The following OPCML variants were observed in gnomAD, a reference collection of about 807,000 sequenced individuals.
The protein encoded by OPCML is opioid-binding protein/cell adhesion molecule.
OPCML carries 13 observed loss-of-function variants against 37.8 expected under a neutral mutation model. That is an observed-to-expected ratio of 0.34 (90% CI 0.22 to 0.55). OPCML has a LOEUF of 0.55. Among genes scored for constraint, OPCML ranks in the 20% least tolerant of loss-of-function variants. The pLI is 0.91. For missense variants in OPCML, 341 were observed against 435.6 expected (o/e 0.78, Z 1.93); for synonymous variants, 176 against 168.8 (o/e 1.04, Z -0.33).
chr11:133,209,658 A>C (rs1295787952), intron 1 of OPCML, among the ~76,000 whole-genome samples: 4 of 151,812 alleles, frequency 2.6e-5, no homozygotes, highest in Admixed American at 2.6e-4. Flanking sequence ...CCGGCTCCTA[A>C]CACAGTGCAC....
chr11:133,199,236 G>A (rs1006983693), intron 1 of OPCML, among the ~76,000 whole-genome samples: 2 of 152,156 alleles, frequency 1.3e-5, no homozygotes, highest in African/African-American at 4.8e-5. Context: ...TGTAGGTGGA[G>A]TTCTTTAGAG....
At chr11:132,932,190 G>A (rs1945227829) in intron 2 of OPCML, among the ~76,000 whole-genome samples, 1 of 152,118 alleles carries the variant, frequency 6.6e-6, no homozygotes, top group Admixed American at 6.6e-5. Context: ...TGGATTCTGA[G>A]TTTCAGTTTG....
chr11:132,599,232 G>A (rs60372373), intron 3 of OPCML, among the ~76,000 whole-genome samples: 17,184 of 152,110 alleles, frequency 0.11, 1,629 homozygotes, highest in African/African-American at 0.24. Context: ...GTTGCAGTAA[G>A]CCGAGATTGC....
At chr11:132,765,223 G>A (rs1404560723) in intron 2 of OPCML, among the ~76,000 whole-genome samples, 2 of 152,212 alleles carry the variant, frequency 1.3e-5, no homozygotes, top group Admixed American at 6.5e-5. Flanking sequence ...CCACAGTCTT[G>A]TTTCTGTTCT....
intron 3 of OPCML, among the ~76,000 whole-genome samples, chr11:132,556,140 G>T (rs1046295512): frequency 1.3e-5 from 2 of 151,970 alleles, no homozygotes; most frequent in African/African-American, 4.8e-5. Context: ...ATAGGATATT[G>T]CTGTGTTGCC....
At chr11:133,339,546 AAAAC>A (rs1238552405) in intron 1 of OPCML, among the ~76,000 whole-genome samples, 1 of 152,174 alleles carries the variant, frequency 6.6e-6, no homozygotes, top group African/African-American at 2.4e-5. Flanking sequence ...ATGGTCTAGT[AAAAC>A]AAACGATGCT....
At chr11:133,348,417 A>G (rs1944050940) in intron 1 of OPCML, among the ~76,000 whole-genome samples, 1 of 152,196 alleles carries the variant, frequency 6.6e-6, no homozygotes, top group South Asian at 2.1e-4. Flanking sequence ...GCTTTCCTGA[A>G]TGAAGGGAGA....
At chr11:133,442,906 G>C (rs1255193451) in intron 1 of OPCML, among the ~76,000 whole-genome samples, 1 of 152,084 alleles carries the variant, frequency 6.6e-6, no homozygotes, top group Non-Finnish European at 1.5e-5. Context: ...AGAAATAGAA[G>C]TGCGTTTGGT....
intron 1 of OPCML, among the ~76,000 whole-genome samples, chr11:133,509,909 T>C (rs1171775636): frequency 6.6e-6 from 1 of 152,198 alleles, no homozygotes; most frequent in Non-Finnish European, 1.5e-5. Context: ...TTAAAGGCTT[T>C]GGGGGTCCTA....
Position 133,128,920 on chromosome 11 carries a change from G to T in OPCML, c.62-185910C>A, listed in dbSNP as rs189332896. ...AAGTGCAGTAACAGGGACCAGTTTT[G>T]CCCTCCTACCTGAAACAATAAAAAA... On this transcript the variant is annotated intron_variant, in intron 1 of 7. Coordinates refer to ENST00000524381, the MANE Select transcript of OPCML (RefSeq NM_001012393.5). Among the ~76,000 whole-genome samples the T allele has an allele frequency of 1.2e-4, 19 of 152,208 alleles. No homozygotes were observed. The East Asian group carries it at 2.5e-3, about 20-fold the overall frequency.
rs1315761290 is a variant in OPCML, at chr11:133,174,127, G to A, written c.62-231117C>T. Among the ~76,000 whole-genome samples, 1 of 152,216 alleles carries A rather than the reference G, an allele frequency of 6.6e-6. No homozygotes were observed. Among genetic ancestry groups the A allele is most frequent in the African/African-American group, 2.4e-5 (1 of 41,460 alleles). ...ATGTCAGCGTTTTCTGTGTTGTCAG[G>A]CTGGTCCCTTGTGTCTTCCCTTCCC... On this transcript the variant is annotated intron_variant, in intron 1 of 7. Coordinates refer to ENST00000524381, the MANE Select transcript of OPCML (RefSeq NM_001012393.5). The surrounding 1 kb of genome is among the most constrained non-coding windows in gnomAD (Gnocchi z 4.6).
At chr11:132,572,238 G>A (rs2096440440) in intron 3 of OPCML, among the ~76,000 whole-genome samples, 1 of 151,870 alleles carries the variant, frequency 6.6e-6, no homozygotes, top group Non-Finnish European at 1.5e-5. Flanking sequence ...TTATGTGATT[G>A]ATAGATTCCT....
chr11:133,500,834 T>C (rs942421357), intron 1 of OPCML, among the ~76,000 whole-genome samples: 1 of 152,126 alleles, frequency 6.6e-6, no homozygotes, highest in African/African-American at 2.4e-5. Flanking sequence ...ACTCAGAGAC[T>C]AGGACTTAAC....
chr11:132,454,383 G>A (rs2096076067), intron 4 of OPCML, among the ~76,000 whole-genome samples: 1 of 152,204 alleles, frequency 6.6e-6, no homozygotes, highest in Non-Finnish European at 1.5e-5. Flanking sequence ...AGCCTGATTT[G>A]GAAGGGTGAG....
At chr11:133,460,454 A>G (rs1946832266) in intron 1 of OPCML, among the ~76,000 whole-genome samples, 1 of 151,888 alleles carries the variant, frequency 6.6e-6, no homozygotes, top group African/African-American at 2.4e-5. Context: ...AACATTGACA[A>G]ACTTTTAGCT....
At chr11:132,696,322 A>G (rs995344575) in intron 2 of OPCML, among the ~76,000 whole-genome samples, 1 of 152,186 alleles carries the variant, frequency 6.6e-6, no homozygotes, top group African/African-American at 2.4e-5. Context: ...CACCCTAGCT[A>G]TGATGAAATC....
At chr11:132,897,074 A>G (rs1363641699) in intron 2 of OPCML, among the ~76,000 whole-genome samples, 1 of 152,200 alleles carries the variant, frequency 6.6e-6, no homozygotes, top group Admixed American at 6.5e-5. Flanking sequence ...GCTCTACAGC[A>G]AGTCCCAGCT....
chr11:133,276,497 C>G (rs1056387565), intron 1 of OPCML, among the ~76,000 whole-genome samples: 4 of 152,010 alleles, frequency 2.6e-5, no homozygotes, highest in Non-Finnish European at 5.9e-5. Context: ...CCAGATATGG[C>G]GATATGATTT....
At chr11:133,063,517 C>T (rs1225203088) in intron 1 of OPCML, among the ~76,000 whole-genome samples, 1 of 151,574 alleles carries the variant, frequency 6.6e-6, no homozygotes, top group East Asian at 1.9e-4. Flanking sequence ...TAATCTGCCG[C>T]AAGGTTTTAT....
Sources: allele counts gnomAD v4.1 joint callset (sites outside exome capture counted in the v4.1 genomes callset), GRCh38; gene constraint gnomAD v4.1.1; non-coding constraint Gnocchi (gnomAD v3.1); transcripts MANE v1.5; gene names NCBI Gene and HGNC (gene_info 2026-07-23, HGNC 2026-07-21).